The following DRC8 variants were observed in gnomAD, a reference collection of about 807,000 sequenced individuals.
DRC8 encodes dynein regulatory complex subunit 8, also known as dynein regulatory complex protein 8.
At chr1:245,061,746 T>G in the DRC8 span, among the ~76,000 whole-genome samples, 1 of 152,206 alleles carries the variant, frequency 6.6e-6, no homozygotes, top group African/African-American at 2.4e-5. Flanking sequence ...AATGTCATAT[T>G]GCTAAATGTT....
chr1:245,033,164 C>T, the DRC8 span, among the ~76,000 whole-genome samples: 1 of 152,204 alleles, frequency 6.6e-6, no homozygotes, highest in African/African-American at 2.4e-5. Context: ...ACGGCGGGCT[C>T]TCCAACCCAA....
At chr1:245,055,687 C>T in the DRC8 span, among the ~76,000 whole-genome samples, 1 of 152,124 alleles carries the variant, frequency 6.6e-6, no homozygotes, top group African/African-American at 2.4e-5. Flanking sequence ...AACTCATTAC[C>T]AACTGATAAG....
chr1:245,109,682 C>T, the DRC8 span, among the ~76,000 whole-genome samples: 1 of 152,228 alleles, frequency 6.6e-6, no homozygotes, highest in South Asian at 2.1e-4. Context: ...AAAGAATGAT[C>T]ACTTCCATTC....
the DRC8 span, among the ~76,000 whole-genome samples, chr1:245,064,828 A>AT: frequency 8.0e-3 from 1,203 of 149,854 alleles, 4 homozygotes; most frequent in African/African-American, 0.015. Context: ...ATAAACATTA[A>AT]TTTTTTTTTT....
At chr1:245,050,477 G>C in the DRC8 span, among the ~76,000 whole-genome samples, 1 of 152,098 alleles carries the variant, frequency 6.6e-6, no homozygotes, top group African/African-American at 2.4e-5. Context: ...TGCTGAGGGG[G>C]TCACTGCTTG....
the DRC8 span, among the ~76,000 whole-genome samples, chr1:245,119,499 C>CA: frequency 7.0e-4 from 106 of 150,832 alleles, 1 homozygote; most frequent in South Asian, 0.02. Flanking sequence ...CCTGTCTCTA[C>CA]AAAAAAAATT....
chr1:245,111,024 A>C, the DRC8 span, among the ~76,000 whole-genome samples: 1 of 152,348 alleles, frequency 6.6e-6, no homozygotes, highest in African/African-American at 2.4e-5. Flanking sequence ...AATTAAAAAA[A>C]AACTACATGT....
the DRC8 span, among the ~76,000 whole-genome samples, chr1:245,092,381 G>C: frequency 6.6e-6 from 1 of 152,144 alleles, no homozygotes; most frequent in Non-Finnish European, 1.5e-5. Context: ...CCTTCCTTTC[G>C]CTTTTCTAAA....
the DRC8 span, among the ~76,000 whole-genome samples, chr1:245,107,903 C>T: frequency 2.4e-3 from 360 of 152,254 alleles, 1 homozygote; most frequent in African/African-American, 7.6e-3. Context: ...ACCTCGTCAC[C>T]GCTCTCAGAA....
At chr1:245,024,784 T>G in the DRC8 span, among the ~76,000 whole-genome samples, 1 of 152,140 alleles carries the variant, frequency 6.6e-6, no homozygotes, top group Non-Finnish European at 1.5e-5. Flanking sequence ...CCTCAGGTGA[T>G]CCACCCACCT....
chr1:245,059,460 T>G, the DRC8 span: 2 of 1,611,374 alleles, frequency 1.2e-6, no homozygotes, highest in South Asian at 2.2e-5. Context: ...ATTGCAGAGG[T>G]GAGTACGGCG....
chr1:245,110,594 A>T, the DRC8 span, among the ~76,000 whole-genome samples: 1 of 152,296 alleles, frequency 6.6e-6, no homozygotes, highest in Non-Finnish European at 1.5e-5. Flanking sequence ...CCTGCCAGCC[A>T]GACAGCGCCC....
the DRC8 span, chr1:245,083,496 C>T: frequency 1.9e-6 from 3 of 1,611,732 alleles, no homozygotes; most frequent in Non-Finnish European, 2.5e-6. Flanking sequence ...TATGTAAACT[C>T]CAGCTTATAT....
chr1:245,007,731 C>T, the DRC8 span, among the ~76,000 whole-genome samples: 75 of 151,704 alleles, frequency 4.9e-4, no homozygotes, highest in Middle Eastern at 0.01. Flanking sequence ...CTATGAGTAG[C>T]AATGGGGAGC....
chr1:245,077,000 C>T, the DRC8 span, among the ~76,000 whole-genome samples: 8 of 152,172 alleles, frequency 5.3e-5, no homozygotes, highest in African/African-American at 1.4e-4. Context: ...GCTGGGATTA[C>T]AGGCGTGAAA....
At chr1:245,109,112 C>T in the DRC8 span, among the ~76,000 whole-genome samples, 2 of 152,168 alleles carry the variant, frequency 1.3e-5, no homozygotes, top group Non-Finnish European at 2.9e-5. Context: ...TGCTGGGCAA[C>T]TCTAGGAGTC....
At chr1:245,093,697 C>CAA in the DRC8 span, among the ~76,000 whole-genome samples, 739 of 68,402 alleles carry the variant, frequency 0.011, 4 homozygotes, top group Non-Finnish European at 0.02. Context: ...CTCCATCTCA[C>CAA]AAAAAAAAAA....
the DRC8 span, among the ~76,000 whole-genome samples, chr1:245,109,852 C>T: frequency 4.6e-5 from 7 of 152,346 alleles, no homozygotes; most frequent in East Asian, 1.9e-4. Context: ...TGCCTCAGCT[C>T]GGCGGTGGCC....
At chr1:244,975,750 C>T in the DRC8 span, among the ~76,000 whole-genome samples, 2,808 of 152,134 alleles carry the variant, frequency 0.018, 83 homozygotes, top group African/African-American at 0.064. Flanking sequence ...ATCCCAACTA[C>T]TCAGGAGGCT....
Sources: gnomAD v4.1 joint callset for allele counts (sites outside exome capture counted in the v4.1 genomes callset) on GRCh38, gnomAD v4.1.1 for gene constraint, MANE v1.5 for transcripts, NCBI Gene and HGNC (gene_info 2026-07-23, HGNC 2026-07-21) for gene names.